The following TRPM6 variants were observed in gnomAD, a reference collection of about 807,000 sequenced individuals.
TRPM6 encodes channel kinase 2.
In TRPM6, 111 loss-of-function variants were observed where a neutral mutation model predicts 247.6. That is an observed-to-expected ratio of 0.45 (90% confidence interval 0.38 to 0.52). TRPM6 has a LOEUF of 0.52. Ranked by LOEUF, TRPM6 falls within the 20% of genes least tolerant of loss-of-function variation. The pLI, the probability that TRPM6 is intolerant of heterozygous loss-of-function variation, is 0.00. For synonymous variants in TRPM6, 892 were observed against 853.8 expected, an observed-to-expected ratio of 1.04 and a Z score of -0.78; for missense variants, 2,126 against 2,421.5, an observed-to-expected ratio of 0.88 and a Z score of 2.56.
intron 11 of TRPM6, among the ~76,000 whole-genome samples, chr9:74,814,474 C>CAA (rs1828854334): frequency 6.6e-6 from 1 of 151,914 alleles, no homozygotes; most frequent in African/African-American, 2.4e-5. Context: ...TAACAAAGGA[C>CAA]AAATGCTTGA....
At position 74,750,483 on chromosome 9, in the gene TRPM6, T is replaced by C. The variant is rs572542513; in HGVS notation, c.5057+181A>G. Among the ~76,000 whole-genome samples the C allele has an allele frequency of 2.8e-4, 42 of 152,344 alleles. 1 individual carries two copies. The South Asian group carries it at 8.5e-3, about 31-fold the overall frequency. ...AAAAGGAACTCAGGTGAGATCTTGT[T>C]GCCAGAAACAGGAAAACTTGGAGAA... On this transcript the variant is annotated intron_variant, in intron 30 of 38. Coordinates refer to ENST00000360774, the MANE Select transcript of TRPM6 (RefSeq NM_017662.5).
intron 3 of TRPM6, among the ~76,000 whole-genome samples, chr9:74,845,901 A>G (rs1396903581): frequency 6.6e-6 from 1 of 152,222 alleles, no homozygotes; most frequent in Non-Finnish European, 1.5e-5. Context: ...ACTAACAAAA[A>G]TACAAATGTA....
intron 30 of TRPM6, among the ~76,000 whole-genome samples, chr9:74,749,147 T>C (rs1826153562): frequency 6.6e-6 from 1 of 152,156 alleles, no homozygotes; most frequent in Non-Finnish European, 1.5e-5. Context: ...CATCTAGGTG[T>C]GTGTAAATGC....
chr9:74,866,710 A>G (rs139176727), intron 1 of TRPM6, among the ~76,000 whole-genome samples: 3,629 of 152,126 alleles, frequency 0.024, 139 homozygotes, highest in African/African-American at 0.08. Context: ...TGAACTCCTG[A>G]CCTCAGGTGA....
intron 7 of TRPM6, among the ~76,000 whole-genome samples, chr9:74,824,511 G>GAAAAA (rs59044061): frequency 6.4e-4 from 30 of 46,988 alleles, no homozygotes; most frequent in South Asian, 2.6e-3. Flanking sequence ...GGCTTTTTCT[G>GAAAAA]AAAAAAAAAA....
At chr9:74,728,005 T>C (rs753362173) in intron 38 of TRPM6, among the ~76,000 whole-genome samples, 6 of 152,174 alleles carry the variant, frequency 3.9e-5, no homozygotes, top group Non-Finnish European at 5.9e-5. Context: ...GGAGTGACTG[T>C]GACAAGTATT....
chr9:74,739,623 C>T, intron 34 of TRPM6, 100 bp downstream of exon 34: 2 of 1,556,096 alleles, frequency 1.3e-6, no homozygotes, highest in Non-Finnish European at 1.8e-6. Flanking sequence ...TAATAGGCTC[C>T]CCTTTGGGTT....
intron 31 of TRPM6, among the ~76,000 whole-genome samples, chr9:74,747,454 T>C (rs1205572396): frequency 6.6e-6 from 1 of 152,178 alleles, no homozygotes; most frequent in African/African-American, 2.4e-5. Flanking sequence ...TATAGTGGCT[T>C]TACCAGGGAG....
In TRPM6 at chr9:74,788,714, A is replaced by G; in HGVS notation, c.2567T>C (p.Phe856Ser). 1.2e-6 allele frequency: 2 copies of G among 1,614,102 alleles called. No homozygotes were observed. The highest frequency in any genetic ancestry group is 1.7e-6 in the Non-Finnish European group (2 of 1,179,954). The change falls in exon 20 of 39, where the codon TTC becomes TCC. Residue 856 changes from phenylalanine (F) to serine (S), a missense_variant. This residue lies in a region of TRPM6 where 1,082 missense variants were observed against 1,307.9 expected (regional missense o/e 0.83). Transcript: ENST00000360774. ...CATCTCCACCAACACGGTGTAAGTG[A>G]ACAGCATGAGGAATGCCAAATACGC... Reference protein sequence around the residue: ...TMAYLAFLMLFTYTVLVEMQP... With the variant: ...TMAYLAFLMLSTYTVLVEMQP...
At position 74,820,325 on chromosome 9, in the gene TRPM6, C is replaced by G. The variant is rs1176651180; in HGVS notation, c.1113G>C (p.Glu371Asp). The change falls in exon 9 of 39, where the codon GAG becomes GAC. Residue 371 changes from glutamate to aspartate, a missense_variant. Transcript: ENST00000360774. ...QSKHLFQILM[E>D]CMVHRDCITI... is the part of the protein sequence containing the mutation. Reference sequence around the variant, plus strand: ...TCACACAATCCCTGTGAACCATACACTCCATTAGAATTTGGAAAAGGTGCT... The same window carrying G: ...TCACACAATCCCTGTGAACCATACAGTCCATTAGAATTTGGAAAAGGTGCT... 5 of 1,614,120 alleles carry G rather than the reference C, an allele frequency of 3.1e-6. No homozygotes were observed. The highest frequency in any genetic ancestry group is 4.2e-6 in the Non-Finnish European group (5 of 1,180,026).
intron 1 of TRPM6, among the ~76,000 whole-genome samples, chr9:74,879,014 TAA>T (rs1831276539): frequency 6.6e-6 from 1 of 151,976 alleles, no homozygotes; most frequent in Non-Finnish European, 1.5e-5. Flanking sequence ...TTTTTAATTT[TAA>T]AAAAGTTTTA....
At chr9:74,802,385 G>T (rs531865150) in intron 15 of TRPM6, among the ~76,000 whole-genome samples, 1 of 152,242 alleles carries the variant, frequency 6.6e-6, no homozygotes, top group South Asian at 2.1e-4. Context: ...CAGAGTCCCT[G>T]AACTGATATA....
intron 15 of TRPM6, among the ~76,000 whole-genome samples, chr9:74,803,442 A>G (rs1828416029): frequency 6.6e-6 from 1 of 152,212 alleles, no homozygotes; most frequent in Non-Finnish European, 1.5e-5. Context: ...AAAGAAGGAA[A>G]CAGACTTCAC....
chr9:74,781,551 A>AAAAG (rs1554698840), intron 23 of TRPM6, among the ~76,000 whole-genome samples: 14 of 148,528 alleles, frequency 9.4e-5, no homozygotes, highest in Middle Eastern at 3.4e-3. Flanking sequence ...AAAAAAAAAA[A>AAAAG]AAGAAGAAAA....
intron 3 of TRPM6, among the ~76,000 whole-genome samples, chr9:74,851,978 A>T (rs1830334679): frequency 6.6e-6 from 1 of 151,224 alleles, no homozygotes; most frequent in Non-Finnish European, 1.5e-5. Context: ...ATAAAAAACA[A>T]AAAAAATCAG....
At chr9:74,728,429 C>T (rs1587444615) in intron 37 of TRPM6, 84 bp from the exon 38 acceptor site, 4 of 931,460 alleles carry the variant, frequency 4.3e-6, no homozygotes, top group Non-Finnish European at 7.0e-6. Flanking sequence ...CGAACAGTAT[C>T]CCATAGTAAC....
intron 11 of TRPM6, among the ~76,000 whole-genome samples, chr9:74,813,273 A>G (rs1193687510): frequency 6.6e-6 from 1 of 152,218 alleles, no homozygotes; most frequent in Non-Finnish European, 1.5e-5. Flanking sequence ...CAAGAATGCA[A>G]CATTTTGGAA....
intron 1 of TRPM6, among the ~76,000 whole-genome samples, chr9:74,884,305 A>AC (rs147935001): frequency 0.021 from 3,224 of 152,044 alleles, 132 homozygotes; most frequent in African/African-American, 0.075. Flanking sequence ...CCTGCATAAC[A>AC]GGTGAAACCC....
chr9:74,755,166 A>C (rs367733213), intron 28 of TRPM6, among the ~76,000 whole-genome samples, 187 bp downstream of exon 28: 1 of 152,210 alleles, frequency 6.6e-6, no homozygotes, highest in Non-Finnish European at 1.5e-5. Context: ...CTTTAGACAA[A>C]CAAAATTTTG....
Sources: allele counts gnomAD v4.1 joint callset (sites outside exome capture counted in the v4.1 genomes callset), GRCh38; gene constraint gnomAD v4.1.1; regional missense constraint gnomAD v4.1.1; transcripts MANE v1.5; gene names NCBI Gene and HGNC (gene_info 2026-07-23, HGNC 2026-07-21).